Variants in ACSL3 observed in about 807,000 individuals in gnomAD.
ACSL3 encodes the protein fatty acid CoA ligase Acsl3.
Under a neutral mutation model 84.7 loss-of-function variants are expected in ACSL3, and 34 were observed. That is an observed-to-expected ratio of 0.40 (90% CI 0.31 to 0.53). The LOEUF (loss-of-function observed/expected upper bound fraction) is 0.53. ACSL3 is among the 20% of genes least tolerant of loss of function. The probability of loss-of-function intolerance (pLI) is 0.48; values close to 1 mark genes in which losing one functional copy is unlikely to be tolerated. For missense variants in ACSL3, 680 were observed against 873.1 expected (o/e 0.78, Z 2.79); for synonymous variants, 315 against 299.4 (o/e 1.05, Z -0.54).
chr2:222,880,097 A>G (rs1041330009), intron 1 of ACSL3, among the ~76,000 whole-genome samples: 6 of 152,218 alleles, frequency 3.9e-5, no homozygotes, highest in Admixed American at 1.3e-4. Flanking sequence ...ATTGCCATAT[A>G]CAAAAGTCCC....
intron 1 of ACSL3, among the ~76,000 whole-genome samples, chr2:222,881,248 T>C (rs908464398): frequency 6.6e-6 from 1 of 152,274 alleles, no homozygotes; most frequent in Admixed American, 6.5e-5. Context: ...CCCATGTGTA[T>C]TTTACACTTA....
intron 1 of ACSL3, among the ~76,000 whole-genome samples, chr2:222,885,332 A>G (rs1695693123): frequency 6.6e-6 from 1 of 152,224 alleles, no homozygotes; most frequent in Non-Finnish European, 1.5e-5. Context: ...TACTTCCGTA[A>G]GAGTGCCAAG....
chr2:222,914,280 T>TGTGTGTGTGTGTGTGTGTG (rs1696520984), intron 4 of ACSL3, among the ~76,000 whole-genome samples: 1 of 139,852 alleles, frequency 7.2e-6, no homozygotes, highest in African/African-American at 2.6e-5. Context: ...TGTGTGTGTA[T>TGTGTGTGTGTGTGTGTGTG]TTTGAGACAG....
At chr2:222,907,182 C>G (rs1696315022) in intron 3 of ACSL3, among the ~76,000 whole-genome samples, 1 of 152,192 alleles carries the variant, frequency 6.6e-6, no homozygotes, top group Admixed American at 6.5e-5. Context: ...TGCATGGAAC[C>G]TCTGCTTTAC....
At chr2:222,890,062 A>C (rs771631148) in intron 2 of ACSL3, among the ~76,000 whole-genome samples, 14 of 152,240 alleles carry the variant, frequency 9.2e-5, no homozygotes, top group Non-Finnish European at 1.6e-4. Context: ...GGATGTTTAA[A>C]CCTTATTTTT....
At chr2:222,898,293 C>T (rs1236667730) in intron 2 of ACSL3, among the ~76,000 whole-genome samples, 1 of 152,100 alleles carries the variant, frequency 6.6e-6, no homozygotes, top group Non-Finnish European at 1.5e-5. Context: ...ATGTTAACTC[C>T]TCTGGATTTT....
chr2:222,941,673 A>G lies in ACSL3; in HGVS notation c.*19A>G. The stretch of plus-strand genomic sequence containing the variant: ...AAAATAATTATTCTCTTCTGGCATC[A>G]GTTTGCTACAGTGAGCTCAGATCAA... On this transcript the variant is annotated 3_prime_UTR_variant, in exon 17 of 17. Coordinates refer to ENST00000357430, the MANE Select transcript of ACSL3 (RefSeq NM_004457.5). 3 of 1,605,556 alleles carry G rather than the reference A, an allele frequency of 1.9e-6. No individual in the cohort carries two copies. The highest frequency in any genetic ancestry group is 1.1e-5 in the South Asian group (1 of 90,540).
intron 4 of ACSL3, among the ~76,000 whole-genome samples, chr2:222,914,269 G>C: frequency 6.9e-6 from 1 of 144,336 alleles, no homozygotes; most frequent in South Asian, 2.2e-4. Flanking sequence ...GTGTGTGTGT[G>C]TGTGTGTGTA....
At chr2:222,901,370 G>A (rs942327812) in intron 3 of ACSL3, among the ~76,000 whole-genome samples, 1 of 152,030 alleles carries the variant, frequency 6.6e-6, no homozygotes, top group Non-Finnish European at 1.5e-5. Context: ...CATAATATAA[G>A]GATTTATTTC....
intron 1 of ACSL3, among the ~76,000 whole-genome samples, chr2:222,880,524 A>G (rs913982306): frequency 1.3e-5 from 2 of 152,076 alleles, no homozygotes; most frequent in African/African-American, 4.8e-5. Context: ...GATTAATAAT[A>G]TATAAAAAAA....
intron 2 of ACSL3, among the ~76,000 whole-genome samples, chr2:222,893,671 CTTTTCTTTTCTCT>C (rs1031082816): frequency 1.3e-5 from 2 of 151,990 alleles, no homozygotes; most frequent in African/African-American, 4.8e-5. Flanking sequence ...TCTTCCTTCT[CTTTTCTTTTCTCT>C]TTTTCTTCCT....
intron 2 of ACSL3, among the ~76,000 whole-genome samples, chr2:222,900,010 G>A (rs1284894948): frequency 2.6e-5 from 4 of 152,022 alleles, no homozygotes; most frequent in Non-Finnish European, 2.9e-5. Context: ...CACCAAAGAC[G>A]GAGTCGCTCT....
chr2:222,866,432 T>C (rs1016131447), intron 1 of ACSL3, among the ~76,000 whole-genome samples: 11 of 152,124 alleles, frequency 7.2e-5, no homozygotes, highest in Non-Finnish European at 1.2e-4. Context: ...GGCTGGGAGC[T>C]ACTGCGCTGA....
chr2:222,890,100 T>A (rs568641244), intron 2 of ACSL3, among the ~76,000 whole-genome samples: 24 of 152,238 alleles, frequency 1.6e-4, no homozygotes, highest in Non-Finnish European at 3.1e-4. Context: ...ATAGTACAAA[T>A]GAAGACAATA....
At chr2:222,920,468 G>A (rs1023728241) in intron 7 of ACSL3, among the ~76,000 whole-genome samples, 1 of 152,108 alleles carries the variant, frequency 6.6e-6, no homozygotes, top group African/African-American at 2.4e-5. Context: ...GGTTCACATC[G>A]TGTTTTAATG....
chr2:222,876,310 TG>T (rs1294705885), intron 1 of ACSL3, among the ~76,000 whole-genome samples: 1 of 151,892 alleles, frequency 6.6e-6, no homozygotes, highest in African/African-American at 2.4e-5. Flanking sequence ...TGGTTTTTTT[TG>T]TTGTTGTTGT....
chr2:222,896,888 A>C (rs1344761610), intron 2 of ACSL3, among the ~76,000 whole-genome samples: 2 of 8,762 alleles, frequency 2.3e-4, no homozygotes, highest in African/African-American at 9.6e-4. Context: ...CGACATCCCC[A>C]CCTCCCTCCC....
chr2:222,884,870 C>T lies in ACSL3; in HGVS notation c.-206-2960C>T, dbSNP rs770192885. 4.2e-4 allele frequency among the ~76,000 whole-genome samples: 64 copies of T among 152,040 alleles called. 1 individual carries two copies. The highest frequency in any genetic ancestry group is 2.6e-4 in the Non-Finnish European group (18 of 68,032). Reference sequence around the variant, plus strand: ...TGCCTGCAGTTATTGTCTGCTTGAACAAAAATACATGCATCAACTCAGTTT... The same window carrying T: ...TGCCTGCAGTTATTGTCTGCTTGAATAAAAATACATGCATCAACTCAGTTT... On this transcript the variant is annotated intron_variant, in intron 1 of 16. Coordinates refer to ENST00000357430, the MANE Select transcript of ACSL3 (RefSeq NM_004457.5).
At chr2:222,922,582 C>T in intron 8 of ACSL3, 126 bp from the exon 9 acceptor site, 5 of 1,153,808 alleles carry the variant, frequency 4.3e-6, no homozygotes, top group African/African-American at 1.6e-5. Context: ...CAAACACATA[C>T]ACACTTGACC....
Sources: gnomAD v4.1 joint callset for allele counts (sites outside exome capture counted in the v4.1 genomes callset) on GRCh38, gnomAD v4.1.1 for gene constraint, MANE v1.5 for transcripts, NCBI Gene and HGNC (gene_info 2026-07-23, HGNC 2026-07-21) for gene names.